STK10: variants seen among roughly 807,000 people sequenced by gnomAD.
STK10 encodes the protein serine/threonine-protein kinase 10.
A neutral mutation model predicts 113.8 loss-of-function variants in STK10; 78 were observed. That is an observed-to-expected ratio of 0.69 (90% CI 0.57 to 0.83). The LOEUF (loss-of-function observed/expected upper bound fraction) is 0.83. Ranked by LOEUF, STK10 falls within the 40% of genes least tolerant of loss-of-function variation. STK10 has a pLI of 0.00. For missense variants in STK10, 1,109 were observed against 1,280.1 expected (o/e 0.87, Z 2.04); for synonymous variants, 465 against 494.7 (o/e 0.94, Z 0.80).
rs184662261 is a variant in STK10, at chr5:172,105,440, C to T, written c.870+216G>A. 2.1e-3 allele frequency: 1,232 copies of T among 582,872 alleles called. 6 individuals carry two copies. The highest frequency in any genetic ancestry group is 2.8e-3 in the Admixed American group (94 of 33,754). 36.1% of individuals were successfully genotyped at this position (582,872 alleles called of 1,614,324 possible). A position where few individuals can be genotyped will look rare whatever the true frequency, so the allele number is the denominator to read the frequency against. ...CCACCTGTATCCCCACTGGAACACACGCTCCATGAGGACAAGGTCTGGGTG... is the reference window on the plus strand; with the variant it reads ...CCACCTGTATCCCCACTGGAACACATGCTCCATGAGGACAAGGTCTGGGTG... On this transcript the variant is annotated intron_variant, in intron 7 of 18. Transcript: ENST00000176763.
chr5:172,125,305 C>A (rs1769596938), intron 3 of STK10, among the ~76,000 whole-genome samples: 2 of 152,168 alleles, frequency 1.3e-5, no homozygotes, highest in South Asian at 4.1e-4. Context: ...ACACAATCAC[C>A]AATCCTGGTG....
chr5:172,139,876 T>C (rs1247595669), intron 2 of STK10, among the ~76,000 whole-genome samples: 1 of 134,808 alleles, frequency 7.4e-6, no homozygotes. Context: ...AATGATTTCA[T>C]GGATATTACA....
At chr5:172,068,688 G>A (rs1768119534) in intron 12 of STK10, among the ~76,000 whole-genome samples, 1 of 152,088 alleles carries the variant, frequency 6.6e-6, no homozygotes, top group Non-Finnish European at 1.5e-5. Flanking sequence ...AGGTGTGGTG[G>A]CTCACACCTG....
intron 2 of STK10, among the ~76,000 whole-genome samples, chr5:172,142,833 C>T (rs905588566): frequency 1.1e-4 from 16 of 152,184 alleles, no homozygotes; most frequent in African/African-American, 3.9e-4. Context: ...AGCACCCCAT[C>T]CCTCCTCATG....
At chr5:172,072,906 TTTAACAAGA>T (rs1256730894) in intron 12 of STK10, among the ~76,000 whole-genome samples, 2 of 152,202 alleles carry the variant, frequency 1.3e-5, no homozygotes, top group African/African-American at 4.8e-5. Flanking sequence ...AATAAGTGAG[TTTAACAAGA>T]TTGCAGTACA....
chr5:172,168,220 A>G, intron 1 of STK10, among the ~76,000 whole-genome samples: 1 of 152,232 alleles, frequency 6.6e-6, no homozygotes, highest in East Asian at 1.9e-4. Flanking sequence ...CACACAATGT[A>G]CAGCTGTGCT....
intron 1 of STK10, among the ~76,000 whole-genome samples, chr5:172,183,766 T>C (rs1184662309): frequency 6.6e-6 from 1 of 152,242 alleles, no homozygotes; most frequent in Non-Finnish European, 1.5e-5. Context: ...TAACTAGGAA[T>C]GGTTTTCTTT....
intron 14 of STK10, among the ~76,000 whole-genome samples, chr5:172,059,955 C>T (rs183634300): frequency 1.3e-5 from 2 of 152,310 alleles, no homozygotes; most frequent in African/African-American, 4.8e-5. Context: ...ACTGTGCAAC[C>T]TCAGTGCTAT....
intron 3 of STK10, among the ~76,000 whole-genome samples, chr5:172,124,284 C>T (rs1769575486): frequency 6.6e-6 from 1 of 152,150 alleles, no homozygotes; most frequent in South Asian, 2.1e-4. Context: ...GCTAGCCATC[C>T]CTGAAGTCTT....
At chr5:172,079,260 A>C (rs1039937107) in intron 12 of STK10, among the ~76,000 whole-genome samples, 1 of 152,058 alleles carries the variant, frequency 6.6e-6, no homozygotes, top group Non-Finnish European at 1.5e-5. Context: ...AGCTCTTTGA[A>C]CACTCCAAGC....
At position 172,057,009 on chromosome 5, in the gene STK10, GAA is replaced by G. The variant is rs1491554887; in HGVS notation, c.2337+338_2337+339del. The G allele has an allele frequency of 6.8e-3, 834 of 121,860 alleles. 8 individuals carry two copies. The highest frequency in any genetic ancestry group is 0.01 in the East Asian group (40 of 3,836). The allele number at this position is 121,860 out of a possible 1,614,324, so 7.5% of individuals were successfully genotyped here. A position where few individuals can be genotyped will look rare whatever the true frequency, so the allele number is the denominator to read the frequency against. On this transcript the variant is annotated intron_variant, in intron 15 of 18. Transcript: ENST00000176763. ...AAAGAAAGAAAGAGAAAGAAGGAAA[GAA>G]AGAAAGAAAGAAAGAAAGAAAGAAA... is the stretch of plus-strand genomic sequence containing the variant.
At chr5:172,144,738 G>A (rs1205985739) in intron 2 of STK10, among the ~76,000 whole-genome samples, 1 of 152,144 alleles carries the variant, frequency 6.6e-6, no homozygotes, top group African/African-American at 2.4e-5. Flanking sequence ...AAGGGCATCT[G>A]GAACAGAGGG....
At chr5:172,170,416 C>CA (rs1308169196) in intron 1 of STK10, among the ~76,000 whole-genome samples, 1 of 152,196 alleles carries the variant, frequency 6.6e-6, no homozygotes, top group Non-Finnish European at 1.5e-5. Context: ...CCCAATCAAT[C>CA]ATCACCATGC....
chr5:172,044,759 G>A lies in STK10; in HGVS notation c.*123C>T, dbSNP rs1290211518. The A allele has an allele frequency of 5.9e-6, 9 of 1,533,080 alleles. No individual in the cohort carries two copies. In the Admixed American group the frequency reaches 1.5e-4, roughly 26 times the overall value. The allele number at this position is 1,533,080 out of a possible 1,614,324, so 95.0% of individuals were successfully genotyped here. On this transcript the variant is annotated 3_prime_UTR_variant, in exon 19 of 19. Transcript: ENST00000176763. The surrounding 1 kb of genome is among the most constrained non-coding windows in gnomAD (Gnocchi z 4.5). ...GCACAGTTGGGGTGGCACAGGGCGA[G>A]GGGCTGGATTTGAGCTGGCACAGAC...
At chr5:172,067,751 T>G (rs1768100114) in intron 12 of STK10, among the ~76,000 whole-genome samples, 1 of 151,976 alleles carries the variant, frequency 6.6e-6, no homozygotes, top group African/African-American at 2.4e-5. Flanking sequence ...TGAAGACTGA[T>G]TAATAAAGAT....
Position 172,106,644 on chromosome 5 carries a change from G to A in STK10, c.764C>T (p.Pro255Leu), listed in dbSNP as rs1285724088. 6.2e-7 allele frequency: 1 copy of A among 1,612,840 alleles called. No homozygotes were observed. The highest frequency in any genetic ancestry group is 1.3e-5 in the African/African-American group (1 of 74,874). ...VLLKIAKSDP[P>L]TLLTPSKWSV... ...CCACTTAGAGGGCGTGAGCAGCGTGGGAGGGTCCGACTTGGCGATCTTTAG... is the reference window on the plus strand; with the variant it reads ...CCACTTAGAGGGCGTGAGCAGCGTGAGAGGGTCCGACTTGGCGATCTTTAG... The change falls in exon 6 of 19, where the codon CCC (proline) becomes CTC (leucine). Residue 255 changes from proline to leucine, a missense_variant. By Grantham distance (98) the Pro-to-Leu change is moderately conservative. Coordinates refer to ENST00000176763, the MANE Select transcript of STK10 (RefSeq NM_005990.4).
Position 172,093,505 on chromosome 5 carries a change from GC to G in STK10, c.1460del (p.Cys487SerfsTer22). On this transcript the variant is annotated frameshift_variant, in exon 9 of 19. Transcript: ENST00000176763. LOFTEE classifies it high-confidence loss of function. This position sits in a 1 kb window ranked among gnomAD's most constrained non-coding sequence, Gnocchi z 4.1. ...APGPSKRDSD[C>X]SSLCTSESMD... ...TGCTCTCAGAGGTGCAGAGGCTGCT[GC>G]AGTCCGAGTCCCTCTTGGAAGGCCC... is the stretch of plus-strand genomic sequence containing the variant. The G allele has an allele frequency of 6.2e-7, 1 of 1,614,244 alleles. No individual in the cohort carries two copies.
At chr5:172,045,059 T>A (rs766582075) in intron 18 of STK10, 37 bp from the exon 19 acceptor site, 1 of 1,609,070 alleles carries the variant, frequency 6.2e-7, no homozygotes, top group Admixed American at 1.7e-5. Context: ...CTTGGTGAGA[T>A]CTGCAGGCCA....
At chr5:172,169,960 C>T (rs79846154) in intron 1 of STK10, among the ~76,000 whole-genome samples, 1,842 of 152,156 alleles carry the variant, frequency 0.012, 50 homozygotes, top group African/African-American at 0.042. Context: ...CAGTGACGCA[C>T]GGGAAAATCA....
Sources: gnomAD v4.1 joint callset for allele counts (sites outside exome capture counted in the v4.1 genomes callset) on GRCh38, gnomAD v4.1.1 for gene constraint, Gnocchi (gnomAD v3.1) non-coding constraint, MANE v1.5 for transcripts, NCBI Gene and HGNC (gene_info 2026-07-23, HGNC 2026-07-21) for gene names.